Variants in LPAR5 observed in about 807,000 individuals in gnomAD.
LPAR5 encodes lysophosphatidic acid receptor 5.
For synonymous variants in LPAR5, 271 were observed against 261.6 expected, an observed-to-expected ratio of 1.04 and a Z score of -0.35; for missense variants, 544 against 521.8, an observed-to-expected ratio of 1.04 and a Z score of -0.41.
At chr12:6,622,962 G>A (rs561755352) in intron 1 of LPAR5, among the ~76,000 whole-genome samples, 11 of 151,810 alleles carry the variant, frequency 7.2e-5, no homozygotes, top group African/African-American at 2.2e-4. Flanking sequence ...GGCCAGGGCC[G>A]GCGTAGTGGC....
Position 6,620,300 on chromosome 12 carries a change from C to G in LPAR5, c.949G>C (p.Ala317Pro). ...GTCCCGTTGGTGGCCGAGGTCCTGG[C>G]CCGGTGCGGAGTGCCCAGGCCGCGC... ...TLRGLGTPHR[A>P]RTSATNGTRA... Residue 317 changes from alanine (A) to proline (P), a missense_variant, in exon 2 of 2, where the codon GCC becomes CCC. Coordinates refer to ENST00000329858, the MANE Select transcript of LPAR5 (RefSeq NM_020400.6). This position sits in a 1 kb window ranked among gnomAD's most constrained non-coding sequence, Gnocchi z 6.8. 6.2e-7 allele frequency: 1 copy of G among 1,606,094 alleles called. No homozygotes were observed. The highest frequency in any genetic ancestry group is 8.5e-7 in the Non-Finnish European group (1 of 1,176,348).
chr12:6,620,448 G>A lies in LPAR5; in HGVS notation c.801C>T (p.Ala267=), dbSNP rs373352489. 5.3e-5 allele frequency: 84 copies of A among 1,596,258 alleles called. No individual in the cohort carries two copies. The highest frequency in any genetic ancestry group is 6.9e-5 in the Non-Finnish European group (81 of 1,171,910). The change falls in exon 2 of 2, where the codon GCC becomes GCT. Residue 267 remains alanine, a synonymous_variant. Transcript: ENST00000329858. This position sits in a 1 kb window ranked among gnomAD's most constrained non-coding sequence, Gnocchi z 6.8. ...YGLLRSKLVA[A]SVPARDRVRG... is the part of the protein sequence containing the mutation. ...GCACGCGATCGCGGGCAGGCACGCT[G>A]GCCGCCACCAGCTTGCTCCGCAGCA...
In LPAR5 at chr12:6,626,639, T is replaced by G. The variant is rs1948942072; in HGVS notation, c.-216-5175A>C. On this transcript the variant is annotated intron_variant, in intron 1 of 1. Transcript: ENST00000329858. ...ACTCCCCTGCTCCATGCTCCTTTGC[T>G]CCATTCACACCAAACTAATACTAAT... Among the ~76,000 whole-genome samples the G allele has an allele frequency of 3.3e-5, 5 of 152,202 alleles. No individual in the cohort carries two copies. The South Asian group carries it at 1.0e-3, about 31-fold the overall frequency.
chr12:6,630,602 G>A (rs370686396), intron 1 of LPAR5, among the ~76,000 whole-genome samples: 3 of 151,648 alleles, frequency 2.0e-5, no homozygotes, highest in East Asian at 1.9e-4. Flanking sequence ...ACAGGTGCAC[G>A]CCACCATGCC....
At chr12:6,628,530 G>A (rs1948959869) in intron 1 of LPAR5, among the ~76,000 whole-genome samples, 1 of 151,766 alleles carries the variant, frequency 6.6e-6, no homozygotes, top group Admixed American at 6.6e-5. Flanking sequence ...GCAGAATCTC[G>A]GCTCACTGCA....
In LPAR5 at chr12:6,620,772, C is replaced by A. The variant is rs1483749165; in HGVS notation, c.477G>T (p.Val159=). ...GGTAGCGGCAACGCGAGGGCCTGTGCACGCGGGCGGCGGGCACGGCAAACA... is the reference window on the plus strand; with the variant it reads ...GGTAGCGGCAACGCGAGGGCCTGTGAACGCGGGCGGCGGGCACGGCAAACA... The part of the protein sequence containing the change: ...ILVFAVPAAR[V]HRPSRCRYRD... Residue 159 remains valine (V), a synonymous_variant, in exon 2 of 2, where the codon GTG becomes GTT. Coordinates refer to ENST00000329858, the MANE Select transcript of LPAR5 (RefSeq NM_020400.6). The surrounding 1 kb of genome is among the most constrained non-coding windows in gnomAD (Gnocchi z 6.8). 1 of 1,588,016 alleles carries A rather than the reference C, an allele frequency of 6.3e-7. No individual in the cohort carries two copies. The highest frequency in any genetic ancestry group is 1.8e-5 in the Admixed American group (1 of 56,594).
chr12:6,623,540 TGA>T (rs145690337), intron 1 of LPAR5, among the ~76,000 whole-genome samples: 9 of 141,890 alleles, frequency 6.3e-5, no homozygotes, highest in African/African-American at 2.1e-4. Context: ...TCTCAAAAAA[TGA>T]GAGAGAGAGA....
rs1285324456 is a variant in LPAR5, at chr12:6,620,474, G to A, written c.775C>T (p.Leu259=). ...PYNSTLAVYG[L]LRSKLVAASV... ...GCCGCCACCAGCTTGCTCCGCAGCA[G>A]CCCGTAGACCGCCAGCGTGCTGTTG... is the stretch of plus-strand genomic sequence containing the variant. The change falls in exon 2 of 2, where the codon CTG becomes TTG. Residue 259 remains leucine, a synonymous_variant. Transcript: ENST00000329858. This position sits in a 1 kb window ranked among gnomAD's most constrained non-coding sequence, Gnocchi z 6.8. The A allele has an allele frequency of 3.8e-6, 6 of 1,589,420 alleles. No homozygotes were observed. Among genetic ancestry groups the A allele is most frequent in the Non-Finnish European group, 4.3e-6 (5 of 1,167,874 alleles).
intron 1 of LPAR5, among the ~76,000 whole-genome samples, chr12:6,629,237 G>T (rs1490503357): frequency 1.3e-5 from 2 of 151,108 alleles, no homozygotes; most frequent in Middle Eastern, 3.2e-3. Flanking sequence ...TTAGCCAGGG[G>T]TGGTGGCACA....
In LPAR5 at chr12:6,628,296, C is replaced by T. The variant is rs368771014; in HGVS notation, c.-216-6832G>A. The stretch of plus-strand genomic sequence containing the variant: ...TTGGCCTCTCAAAGAGCTGGGATTA[C>T]AGGCGTGAGCCACCGCGCCAGGCCC... On this transcript the variant is annotated intron_variant, in intron 1 of 1. Coordinates refer to ENST00000329858, the MANE Select transcript of LPAR5 (RefSeq NM_020400.6). Among the ~76,000 whole-genome samples the T allele has an allele frequency of 3.9e-5, 6 of 152,288 alleles. No homozygotes were observed. In the East Asian group the frequency reaches 1.2e-3, roughly 29 times the overall value.
intron 1 of LPAR5, among the ~76,000 whole-genome samples, chr12:6,628,313 G>A (rs965430485): frequency 6.6e-6 from 1 of 151,924 alleles, no homozygotes; most frequent in Non-Finnish European, 1.5e-5. Flanking sequence ...GAGCCACCGC[G>A]CCAGGCCCAC....
At chr12:6,631,028 C>A (rs756279755) in intron 1 of LPAR5, among the ~76,000 whole-genome samples, 7 of 152,150 alleles carry the variant, frequency 4.6e-5, no homozygotes, top group Non-Finnish European at 7.4e-5. Context: ...GACCCTCTCC[C>A]CCAATCCTGC....
In LPAR5 at chr12:6,620,517, C is replaced by T. The variant is rs1335319702; in HGVS notation, c.732G>A (p.Leu244=). The T allele has an allele frequency of 6.3e-7, 1 of 1,582,794 alleles. No homozygotes were observed. The highest frequency in any genetic ancestry group is 2.3e-5 in the East Asian group (1 of 43,310). Residue 244 remains leucine, a synonymous_variant, in exon 2 of 2, where the codon CTG becomes CTA. Coordinates refer to ENST00000329858, the MANE Select transcript of LPAR5 (RefSeq NM_020400.6). The surrounding 1 kb of genome is among the most constrained non-coding windows in gnomAD (Gnocchi z 6.8). ...RLLLANLVIF[L]LCFVPYNSTL... is the part of the protein sequence containing the mutation. The stretch of plus-strand genomic sequence containing the variant: ...TGCTGTTGTAGGGCACGAAGCACAG[C>T]AGGAAGATGACGAGGTTAGCCAGCA...
chr12:6,620,261 C>G lies in LPAR5; in HGVS notation c.988G>C (p.Ala330Pro), dbSNP rs765359103. 6.2e-6 allele frequency: 10 copies of G among 1,606,972 alleles called. No individual in the cohort carries two copies. The African/African-American group carries it at 9.4e-5, about 15-fold the overall frequency. The change falls in exon 2 of 2, where the codon GCG (alanine) becomes CCG (proline). Residue 330 changes from alanine (A) to proline (P), a missense_variant. Physicochemically the swap from Ala to Pro is conservative, Grantham distance 27 (BLOSUM62 -1). Transcript: ENST00000329858. This position sits in a 1 kb window ranked among gnomAD's most constrained non-coding sequence, Gnocchi z 6.8. ...GTGACGGCGGACCTTTCGGATTGCG[C>G]GAGCGCCGCCCGCGTCCCGTTGGTG... ...SATNGTRAALAQSERSAVTTD... is the reference protein window; with the variant it reads ...SATNGTRAALPQSERSAVTTD...
chr12:6,621,538 G>C (rs1948896126), intron 1 of LPAR5, 74 bp from the exon 2 acceptor site: 1 of 308,938 alleles, frequency 3.2e-6, no homozygotes, highest in South Asian at 1.3e-4. Context: ...CCACTGGCAG[G>C]CCTTCTGAAT....
At position 6,620,375 on chromosome 12, in the gene LPAR5, G is replaced by C; in HGVS notation, c.874C>G (p.Leu292Val). ...MVLLAGANCV[L>V]DPLVYYFSAE... ...CTAAAGTAGTACACCAGCGGGTCCA[G>C]CACGCAGTTGGCGCCGGCCAGCAGC... The change falls in exon 2 of 2, where the codon CTG (leucine) becomes GTG (valine). Residue 292 changes from leucine to valine, a missense_variant. By Grantham distance (32) the Leu-to-Val change is conservative (BLOSUM62 1). Transcript: ENST00000329858. The surrounding 1 kb of genome is among the most constrained non-coding windows in gnomAD (Gnocchi z 6.8). 6.2e-7 allele frequency: 1 copy of C among 1,611,670 alleles called. No individual in the cohort carries two copies. The highest frequency in any genetic ancestry group is 1.1e-5 in the South Asian group (1 of 90,982).
intron 1 of LPAR5, among the ~76,000 whole-genome samples, chr12:6,634,817 C>T (rs781679419): frequency 7.0e-6 from 1 of 143,262 alleles, no homozygotes; most frequent in Non-Finnish European, 1.5e-5. Context: ...TGGCTGGGCA[C>T]CGTGGCTTAT....
At chr12:6,626,052 T>TCCTGATCAC (rs1948937463) in intron 1 of LPAR5, among the ~76,000 whole-genome samples, 1 of 151,984 alleles carries the variant, frequency 6.6e-6, no homozygotes, top group Admixed American at 6.6e-5. Flanking sequence ...GGTGGATCAC[T>TCCTGATCAC]TGAGGTCAGG....
chr12:6,629,141 C>T (rs1440366610), intron 1 of LPAR5, among the ~76,000 whole-genome samples: 7 of 144,942 alleles, frequency 4.8e-5, no homozygotes, highest in Admixed American at 1.4e-4. Context: ...TTTGGGAGGC[C>T]GAGGTGGGCG....
Sources: allele counts gnomAD v4.1 joint callset (sites outside exome capture counted in the v4.1 genomes callset), GRCh38; gene constraint gnomAD v4.1.1; non-coding constraint Gnocchi (gnomAD v3.1); transcripts MANE v1.5; gene names NCBI Gene and HGNC (gene_info 2026-07-23, HGNC 2026-07-21).